FKBP8: variants seen among roughly 807,000 people sequenced by gnomAD.
The protein encoded by FKBP8 is peptidyl-prolyl cis-trans isomerase FKBP8.
In FKBP8, 5 loss-of-function variants were observed where a neutral mutation model predicts 41.7. That is an observed-to-expected ratio of 0.12 (90% CI 0.06 to 0.25). FKBP8 has a LOEUF of 0.25. Among genes scored for constraint, FKBP8 ranks in the 10% least tolerant of loss-of-function variants. The pLI is 1.00. For missense variants in FKBP8, 397 were observed against 563.0 expected (o/e 0.71, Z 2.98); for synonymous variants, 279 against 254.5 (o/e 1.10, Z -0.92).
In FKBP8 at chr19:18,537,742, G is replaced by A. The variant is rs1568410522; in HGVS notation, c.804C>T (p.Leu268=). The A allele has an allele frequency of 1.2e-6, 2 of 1,613,664 alleles. No homozygotes were observed. Among genetic ancestry groups the A allele is most frequent in the Non-Finnish European group, 1.7e-6 (2 of 1,179,804 alleles). Residue 268 remains leucine (L), a synonymous_variant, in exon 6 of 9, where the codon CTC becomes CTT. Transcript: ENST00000608443. This position sits in a 1 kb window ranked among gnomAD's most constrained non-coding sequence, Gnocchi z 4.4. ...VDMTFEEEAQ[L]LQLKVKCLNN... ...TCAGACACTTCACCTTCAACTGCAG[G>A]AGCTGTGCCTCCTCCTCGAACGTCA...
chr19:18,535,200 G>A (rs1203716438), intron 6 of FKBP8, among the ~76,000 whole-genome samples: 3 of 152,248 alleles, frequency 2.0e-5, no homozygotes, highest in Non-Finnish European at 1.5e-5. Flanking sequence ...GATTATAGGC[G>A]TGAGCCACCA....
At chr19:18,539,523 C>T in intron 3 of FKBP8, 28 bp downstream of exon 3, 1 of 1,612,084 alleles carries the variant, frequency 6.2e-7, no homozygotes, top group Non-Finnish European at 8.5e-7. Flanking sequence ...CGCCCCTCGC[C>T]CCTGCCCTGT....
At chr19:18,532,447 C>T in intron 8 of FKBP8, 192 bp from the exon 9 acceptor site, 1 of 910,924 alleles carries the variant, frequency 1.1e-6, no homozygotes, top group Non-Finnish European at 1.7e-6. Context: ...GACACCGCCC[C>T]TCGTGCCCTG....
rs922006311 is a variant in FKBP8 at position 18,538,875 on chromosome 19, T to C, written c.552-439A>G. On this transcript the variant is annotated intron_variant, in intron 4 of 8. Coordinates refer to ENST00000608443, the MANE Select transcript of FKBP8 (RefSeq NM_012181.5). This position sits in a 1 kb window ranked among gnomAD's most constrained non-coding sequence, Gnocchi z 4.0. Reference sequence around the variant, plus strand: ...TCTTGCCCAGGCTGGAGTGCAGTGGTGCAATCTCGGTTCACTGCAAGCTCC... The same window carrying C: ...TCTTGCCCAGGCTGGAGTGCAGTGGCGCAATCTCGGTTCACTGCAAGCTCC... 7.1e-6 allele frequency among the ~76,000 whole-genome samples: 1 copy of C among 140,782 alleles called. No individual in the cohort carries two copies. Among genetic ancestry groups the C allele is most frequent in the African/African-American group, 2.8e-5 (1 of 36,186 alleles). 92.4% of individuals were successfully genotyped at this position (140,782 alleles called of 152,430 possible).
chr19:18,543,500 C>G lies in FKBP8; in HGVS notation c.-40G>C, dbSNP rs1220002862. The stretch of plus-strand genomic sequence containing the variant: ...AGGACACTTGCCTCTGGCTCCGGGA[C>G]CCCCACTTGGGGTCCTGCGCCCCCC... On this transcript the variant is annotated 5_prime_UTR_variant, in exon 1 of 9. Transcript: ENST00000608443. The G allele has an allele frequency of 6.6e-6, 1 of 150,442 alleles. No individual in the cohort carries two copies. The highest frequency in any genetic ancestry group is 6.6e-5 in the Admixed American group (1 of 15,120). The allele number at this position is 150,442 out of a possible 1,614,324, so 9.3% of individuals were successfully genotyped here.
chr19:18,532,995 G>A, intron 7 of FKBP8, 200 bp from the exon 8 acceptor site: 1 of 887,092 alleles, frequency 1.1e-6, no homozygotes, highest in Non-Finnish European at 1.7e-6. Context: ...CAGAGCACAA[G>A]GTAGCCAGGA....
rs1193479924 is a variant in FKBP8, at chr19:18,532,092, G to A, written c.*77C>T. 3.1e-6 allele frequency: 4 copies of A among 1,305,810 alleles called. No homozygotes were observed. The Admixed American group carries it at 7.9e-5, about 26-fold the overall frequency. 80.9% of individuals were successfully genotyped at this position (1,305,810 alleles called of 1,614,324 possible). On this transcript the variant is annotated 3_prime_UTR_variant, in exon 9 of 9. Transcript: ENST00000608443. ...GGGGGCCAGACCAGGGAGGGCAGTGGACAGGGAGCCTGGGGGAGTTGGGGA... is the reference window on the plus strand; with the variant it reads ...GGGGGCCAGACCAGGGAGGGCAGTGAACAGGGAGCCTGGGGGAGTTGGGGA...
intron 4 of FKBP8, 74 bp downstream of exon 4, chr19:18,539,297 G>T: frequency 7.5e-7 from 1 of 1,333,282 alleles, no homozygotes; most frequent in South Asian, 1.3e-5. Flanking sequence ...TAGATGGGGT[G>T]AGCCGAGGGG....
At chr19:18,532,827 A>T (rs757863875) in intron 7 of FKBP8, 32 bp from the exon 8 acceptor site, 16 of 1,609,956 alleles carry the variant, frequency 9.9e-6, no homozygotes, top group Non-Finnish European at 1.3e-5. Context: ...GAGAACACGC[A>T]GCGGCCAACC....
Position 18,538,378 on chromosome 19 carries a change from C to T in FKBP8, c.610G>A (p.Ala204Thr), listed in dbSNP as rs1976627332. ...ATCTCCAGGTCAGGCCCGTCCACAG[C>T]CGTCTTCAGGGTCACCTCCAGGCAC... ...ALCLEVTLKT[A>T]VDGPDLEMLT... Residue 204 changes from alanine (A) to threonine (T), a missense_variant, in exon 5 of 9, where the codon GCT (alanine) becomes ACT (threonine). By Grantham distance (58) the Ala-to-Thr change is moderately conservative. Around this residue, in one of 2 missense-constraint regions of FKBP8, gnomAD observed 225 missense variants for 366.8 expected, o/e 0.61. Coordinates refer to ENST00000608443, the MANE Select transcript of FKBP8 (RefSeq NM_012181.5). The surrounding 1 kb of genome is among the most constrained non-coding windows in gnomAD (Gnocchi z 4.0). The T allele has an allele frequency of 6.2e-7, 1 of 1,613,494 alleles. No individual in the cohort carries two copies. The highest frequency in any genetic ancestry group is 1.7e-5 in the Admixed American group (1 of 60,002).
chr19:18,534,894 T>C (rs1976538103), intron 6 of FKBP8, among the ~76,000 whole-genome samples: 1 of 151,298 alleles, frequency 6.6e-6, no homozygotes, highest in Admixed American at 6.6e-5. Context: ...TTCACGCCAT[T>C]CTCCTGCCTC....
intron 6 of FKBP8, chr19:18,536,223 C>T (rs58604797): frequency 0.086 from 13,115 of 152,092 alleles, 1,650 homozygotes; most frequent in African/African-American, 0.28. Flanking sequence ...CAGTTTCCTT[C>T]GTTAACTGCT....
intron 7 of FKBP8, 127 bp from the exon 8 acceptor site, chr19:18,532,922 T>G (rs537926846): frequency 6.9e-7 from 1 of 1,444,504 alleles, no homozygotes; most frequent in East Asian, 2.4e-5. Context: ...CATCTGCCCC[T>G]TTCTGGGCTT....
chr19:18,539,609 G>A lies in FKBP8; in HGVS notation c.404C>T (p.Thr135Ile). 1 of 1,613,280 alleles carries A rather than the reference G, an allele frequency of 6.2e-7. No individual in the cohort carries two copies. Among genetic ancestry groups the A allele is most frequent in the Non-Finnish European group, 8.5e-7 (1 of 1,180,034 alleles). ...VHLQTSLENG[T>I]RVQEEPELVF... The stretch of plus-strand genomic sequence containing the variant: ...CAGCTCCGGCTCCTCCTGCACCCGT[G>A]TGCCATTCTCCAGCGACGTCTGCAG... Residue 135 changes from threonine to isoleucine, a missense_variant, in exon 3 of 9, where the codon ACA becomes ATA. By Grantham distance (89) the Thr-to-Ile change is moderately conservative. Transcript: ENST00000608443.
intron 2 of FKBP8, among the ~76,000 whole-genome samples, chr19:18,539,961 G>A (rs1976662805): frequency 6.6e-6 from 1 of 152,160 alleles, no homozygotes; most frequent in Admixed American, 6.5e-5. Context: ...CTAGAGACCA[G>A]CTCAGTGAAC....
intron 6 of FKBP8, among the ~76,000 whole-genome samples, chr19:18,535,185 G>C (rs570262055): frequency 9.5e-4 from 145 of 152,260 alleles, no homozygotes; most frequent in African/African-American, 3.5e-3. Flanking sequence ...CTCCCAAAGT[G>C]CTGGGATTAT....
chr19:18,538,231 T>C lies in FKBP8; in HGVS notation c.757A>G (p.Thr253Ala). 8 of 1,608,782 alleles carry C rather than the reference T, an allele frequency of 5.0e-6. No individual in the cohort carries two copies. Among genetic ancestry groups the C allele is most frequent in the Non-Finnish European group, 6.8e-6 (8 of 1,176,376 alleles). ...AGGCGGTCACCTTTGGCGCTGGAGG[T>C]GATAGCCTTGATGGCGAGGTCGTAG... ...NSYDLAIKAI[T>A]SSAKVDMTFE... Residue 253 changes from threonine to alanine, a missense_variant, in exon 5 of 9, where the codon ACC becomes GCC. Around this residue, in one of 2 missense-constraint regions of FKBP8, gnomAD observed 225 missense variants for 366.8 expected, o/e 0.61. Coordinates refer to ENST00000608443, the MANE Select transcript of FKBP8 (RefSeq NM_012181.5). The surrounding 1 kb of genome is among the most constrained non-coding windows in gnomAD (Gnocchi z 4.0).
chr19:18,536,725 G>A (rs532887805), intron 6 of FKBP8, among the ~76,000 whole-genome samples: 8 of 152,318 alleles, frequency 5.3e-5, no homozygotes, highest in African/African-American at 9.6e-5. Flanking sequence ...CTGGAGATCC[G>A]GCAGTGAGCA....
At position 18,541,717 on chromosome 19, in the gene FKBP8, G is replaced by A. The variant is rs535000575; in HGVS notation, c.254C>T (p.Ala85Val). 8.8e-5 allele frequency: 142 copies of A among 1,612,996 alleles called. 1 individual carries two copies. In the East Asian group the frequency reaches 2.6e-3, roughly 29 times the overall value. The change falls in exon 2 of 9, where the codon GCC (alanine) becomes GTC (valine). Residue 85 changes from alanine (A) to valine (V), a missense_variant. Transcript: ENST00000608443. Reference sequence around the variant, plus strand: ...CCACTCTTCTGGGGCCGGGGCTGGGGCGGGCTCGGGCTCCATGGCAGCAAG... The same window carrying A: ...CCACTCTTCTGGGGCCGGGGCTGGGACGGGCTCGGGCTCCATGGCAGCAAG... ...EFLAAMEPEP[A>V]PAPAPEEWLD...
Sources: allele counts gnomAD v4.1 joint callset (sites outside exome capture counted in the v4.1 genomes callset), GRCh38; gene constraint gnomAD v4.1.1; regional missense constraint gnomAD v4.1.1; non-coding constraint Gnocchi (gnomAD v3.1); transcripts MANE v1.5; gene names NCBI Gene and HGNC (gene_info 2026-07-23, HGNC 2026-07-21).